Variants in WDR59 observed in about 807,000 individuals in gnomAD.
WDR59 encodes the protein WD repeat domain 59.
Under a neutral mutation model 131.2 loss-of-function variants are expected in WDR59, and 100 were observed. The observed-to-expected ratio is 0.76, with a 90% CI of 0.65 to 0.90. The LOEUF (loss-of-function observed/expected upper bound fraction) is 0.90. Ranked by LOEUF, WDR59 falls within the 40% of genes least tolerant of loss-of-function variation. WDR59 has a pLI of 0.00. For synonymous variants in WDR59, 601 were observed against 466.2 expected (o/e 1.29, Z -3.72); for missense variants, 1,203 against 1,262.2 (o/e 0.95, Z 0.71).
intron 8 of WDR59, among the ~76,000 whole-genome samples, chr16:74,928,096 CAG>C (rs2031026877): frequency 6.6e-6 from 1 of 151,518 alleles, no homozygotes; most frequent in Non-Finnish European, 1.5e-5. Context: ...TTAGTAGAGA[CAG>C]GGTTTCACCA....
intron 25 of WDR59, among the ~76,000 whole-genome samples, chr16:74,876,581 T>C (rs1455616871): frequency 6.6e-6 from 1 of 152,212 alleles, no homozygotes; most frequent in Non-Finnish European, 1.5e-5. Context: ...TCGGATTAAA[T>C]ATAGTTTTCA....
At chr16:74,941,829 A>T (rs2032254823) in intron 7 of WDR59, among the ~76,000 whole-genome samples, 1 of 152,196 alleles carries the variant, frequency 6.6e-6, no homozygotes, top group African/African-American at 2.4e-5. Flanking sequence ...AGCAGACAGG[A>T]TCTGCCACGC....
Position 74,873,557 on chromosome 16 carries a change from A to T in WDR59, c.*652T>A, listed in dbSNP as rs1964056778. On this transcript the variant is annotated 3_prime_UTR_variant, in exon 26 of 26. Transcript: ENST00000262144. ...TCAATTAGAATTAGGGTAAAAAATG[A>T]TTCACCATAATGTTGTTTAACTTTC... 6.6e-6 allele frequency: 1 copy of T among 151,180 alleles called. No individual in the cohort carries two copies. The highest frequency in any genetic ancestry group is 2.1e-4 in the South Asian group (1 of 4,792). The allele number at this position is 151,180 out of a possible 1,614,324, so 9.4% of individuals were successfully genotyped here.
At chr16:74,924,222 AG>A (rs1410721260) in intron 8 of WDR59, among the ~76,000 whole-genome samples, 1 of 152,222 alleles carries the variant, frequency 6.6e-6, no homozygotes, top group African/African-American at 2.4e-5. Context: ...GGACTTTATG[AG>A]GACCACTAAA....
intron 23 of WDR59, 182 bp from the exon 24 acceptor site, chr16:74,886,578 AT>A (rs1964776769): frequency 1.5e-6 from 1 of 689,068 alleles, no homozygotes; most frequent in South Asian, 2.4e-5. Flanking sequence ...TTGCGCAGGT[AT>A]TTATTACTAA....
At chr16:74,906,840 G>C (rs557316995) in intron 17 of WDR59, among the ~76,000 whole-genome samples, 1 of 152,338 alleles carries the variant, frequency 6.6e-6, no homozygotes, top group East Asian at 1.9e-4. Flanking sequence ...GGGTGCTGAA[G>C]GGCGGGGAAA....
intron 25 of WDR59, among the ~76,000 whole-genome samples, chr16:74,879,978 G>T (rs1472980411): frequency 6.6e-6 from 1 of 152,060 alleles, no homozygotes; most frequent in African/African-American, 2.4e-5. Flanking sequence ...TTGAAGCCAA[G>T]AATTTGAGAC....
intron 10 of WDR59, among the ~76,000 whole-genome samples, chr16:74,920,353 G>T (rs1282114122): frequency 1.3e-5 from 2 of 152,070 alleles, no homozygotes; most frequent in African/African-American, 4.8e-5. Flanking sequence ...GCATGTTTAA[G>T]GTAGGCTACT....
chr16:74,934,956 T>G (rs762276540), intron 8 of WDR59, among the ~76,000 whole-genome samples: 1 of 151,726 alleles, frequency 6.6e-6, no homozygotes, highest in Non-Finnish European at 1.5e-5. Context: ...TGGTCGGGCA[T>G]GGTGGCTCAT....
intron 24 of WDR59, 70 bp downstream of exon 24, chr16:74,886,199 TG>T (rs1290332410): frequency 2.7e-5 from 28 of 1,053,212 alleles, no homozygotes; most frequent in Non-Finnish European, 3.5e-5. Flanking sequence ...AAGTAAGAGT[TG>T]TGATTGTGGA....
chr16:74,882,497 C>T (rs1002922474), intron 25 of WDR59, among the ~76,000 whole-genome samples: 8 of 152,110 alleles, frequency 5.3e-5, no homozygotes, highest in Non-Finnish European at 1.2e-4. Flanking sequence ...CTCTGGGAGG[C>T]CGAGGCAGGC....
intron 9 of WDR59, among the ~76,000 whole-genome samples, chr16:74,923,018 G>A (rs1162457467): frequency 6.6e-6 from 1 of 152,184 alleles, no homozygotes. Flanking sequence ...AAAATTACTA[G>A]AAGGTTGATA....
At chr16:74,930,070 G>T (rs1385213931) in intron 8 of WDR59, among the ~76,000 whole-genome samples, 1 of 152,038 alleles carries the variant, frequency 6.6e-6, no homozygotes, top group Non-Finnish European at 1.5e-5. Flanking sequence ...GCCAGAAGTG[G>T]GGATGGTTAA....
Position 74,979,604 on chromosome 16 carries a change from G to A in WDR59, c.54+5360C>T, listed in dbSNP as rs144740502. Among the ~76,000 whole-genome samples, 1,112 of 151,370 alleles carry A rather than the reference G, an allele frequency of 7.3e-3. 18 individuals are homozygous for A. The highest frequency in any genetic ancestry group is 0.026 in the South Asian group (125 of 4,736). On this transcript the variant is annotated intron_variant, in intron 1 of 25. Coordinates refer to ENST00000262144, the MANE Select transcript of WDR59 (RefSeq NM_030581.4). ...CACCCAGGCTGGAGTGCAGTGGCAC[G>A]ATCTAGGCTCACTGCAACCTCCACC...
At chr16:74,929,783 T>G (rs958698443) in intron 8 of WDR59, among the ~76,000 whole-genome samples, 1 of 152,156 alleles carries the variant, frequency 6.6e-6, no homozygotes, top group Non-Finnish European at 1.5e-5. Flanking sequence ...GCAACCTAAA[T>G]GTTCATCAAC....
At chr16:74,959,543 G>C in intron 2 of WDR59, 1 of 453,708 alleles carries the variant, frequency 2.2e-6, no homozygotes, top group South Asian at 1.6e-5. Context: ...CAGAAGCATC[G>C]CTTGAGGCCC....
At chr16:74,947,201 C>A (rs2032701832) in intron 6 of WDR59, among the ~76,000 whole-genome samples, 1 of 152,192 alleles carries the variant, frequency 6.6e-6, no homozygotes, top group African/African-American at 2.4e-5. Flanking sequence ...ATAATCCCAG[C>A]ACTTTGGGAG....
chr16:74,951,472 G>A lies in WDR59; in HGVS notation c.312C>T (p.His104=). Residue 104 remains histidine (H), a synonymous_variant, in exon 4 of 26, where the codon CAC becomes CAT. Coordinates refer to ENST00000262144, the MANE Select transcript of WDR59 (RefSeq NM_030581.4). ...CTGGTGCCTACCTGATGACACGAGT[G>A]TGGCCTTGTAAGGTTGTGCCAACTT... The part of the protein sequence containing the change: ...SGEVGTTLQG[H]TRVISDLDWA... 1 of 1,600,430 alleles carries A rather than the reference G, an allele frequency of 6.2e-7. No homozygotes were observed. The highest frequency in any genetic ancestry group is 8.5e-7 in the Non-Finnish European group (1 of 1,174,030).
At chr16:74,901,094 G>C (rs1434085712) in intron 18 of WDR59, among the ~76,000 whole-genome samples, 8 of 152,090 alleles carry the variant, frequency 5.3e-5, no homozygotes, top group Non-Finnish European at 1.0e-4. Flanking sequence ...GCAAAATGCT[G>C]TCTCAAAACA....
Sources: allele counts gnomAD v4.1 joint callset (sites outside exome capture counted in the v4.1 genomes callset), GRCh38; gene constraint gnomAD v4.1.1; transcripts MANE v1.5; gene names NCBI Gene and HGNC (gene_info 2026-07-23, HGNC 2026-07-21).